Variants in ETF1 observed in about 807,000 individuals in gnomAD.
ETF1 encodes the protein eukaryotic peptide chain release factor subunit 1.
In ETF1, 4 loss-of-function variants were observed where a neutral mutation model predicts 55.1. The ratio of observed to expected loss-of-function variants is 0.07; its 90% CI spans 0.04 to 0.17. The LOEUF (loss-of-function observed/expected upper bound fraction) is 0.17, where lower values mean the gene tolerates loss of function less well. Among genes scored for constraint, ETF1 ranks in the 10% least tolerant of loss-of-function variants. The pLI, the probability that ETF1 is intolerant of heterozygous loss-of-function variation, is 1.00. For synonymous variants in ETF1, 157 were observed against 182.3 expected, an observed-to-expected ratio of 0.86 and a Z score of 1.12; for missense variants, 142 against 523.6, an observed-to-expected ratio of 0.27 and a Z score of 7.11.
intron 9 of ETF1, among the ~76,000 whole-genome samples, chr5:138,510,159 C>G (rs1764710635): frequency 1.3e-5 from 2 of 151,068 alleles, no homozygotes; most frequent in Non-Finnish European, 2.9e-5. Context: ...GAGTTTGAGA[C>G]CAGCCCAGGG....
intron 2 of ETF1, among the ~76,000 whole-genome samples, chr5:138,532,859 G>A (rs1245151579): frequency 6.6e-6 from 1 of 152,144 alleles, no homozygotes; most frequent in Admixed American, 6.5e-5. Flanking sequence ...AGTCTTCACA[G>A]GGACCTGATA....
intron 4 of ETF1, among the ~76,000 whole-genome samples, chr5:138,515,510 T>C (rs938548977): frequency 6.6e-6 from 1 of 152,172 alleles, no homozygotes; most frequent in Non-Finnish European, 1.5e-5. Context: ...ACCCGTTAGG[T>C]AGATTGAAGT....
At position 138,512,258 on chromosome 5, in the gene ETF1, A is replaced by ATTT. The variant is rs58936942; in HGVS notation, c.732+503_732+505dup. Among the ~76,000 whole-genome samples the ATTT allele has an allele frequency of 8.0e-4, 16 of 20,018 alleles. 1 individual carries two copies. The highest frequency in any genetic ancestry group is 2.6e-3 in the African/African-American group (14 of 5,290). The allele number at this position is 20,018 out of a possible 152,430, so 13.1% of individuals were successfully genotyped here. ...TATATATATATATATATATATATAT[A>ATTT]TTTTTTTTTTTTTTTAAAGGCAATT... On this transcript the variant is annotated intron_variant, in intron 6 of 10. Transcript: ENST00000360541.
chr5:138,509,036 C>T (rs577698182), intron 9 of ETF1: 41 of 985,224 alleles, frequency 4.2e-5, no homozygotes, highest in Non-Finnish European at 3.0e-5. Flanking sequence ...AGGCTCTACC[C>T]TCAGCTATGA....
At chr5:138,516,718 T>C (rs1184946931) in intron 4 of ETF1, among the ~76,000 whole-genome samples, 1 of 152,226 alleles carries the variant, frequency 6.6e-6, no homozygotes, top group Non-Finnish European at 1.5e-5. Context: ...TGTAAAATGG[T>C]ACAACGGTTT....
chr5:138,526,117 T>C (rs1023166197), intron 2 of ETF1, among the ~76,000 whole-genome samples: 23 of 152,126 alleles, frequency 1.5e-4, no homozygotes, highest in African/African-American at 5.6e-4. Flanking sequence ...ATCTAAACTT[T>C]CCCCTAATTA....
At chr5:138,531,057 A>G (rs1465957345) in intron 2 of ETF1, among the ~76,000 whole-genome samples, 1 of 152,092 alleles carries the variant, frequency 6.6e-6, no homozygotes, top group South Asian at 2.1e-4. Flanking sequence ...TGTCCCCCCA[A>G]ATTCATGTGT....
chr5:138,513,518 C>T (rs1764898960), intron 5 of ETF1, 50 bp downstream of exon 5: 1 of 1,491,608 alleles, frequency 6.7e-7, no homozygotes, highest in Non-Finnish European at 9.3e-7. Flanking sequence ...ATACTGTTTT[C>T]TTATTGCTAG....
chr5:138,525,447 T>C (rs955635862), intron 2 of ETF1, among the ~76,000 whole-genome samples: 6 of 132,194 alleles, frequency 4.5e-5, no homozygotes, highest in African/African-American at 1.4e-4. Context: ...TGAGCCACCA[T>C]GTCTGGCCTA....
intron 2 of ETF1, among the ~76,000 whole-genome samples, chr5:138,522,189 T>C (rs1269331226): frequency 6.6e-6 from 1 of 152,168 alleles, no homozygotes; most frequent in Non-Finnish European, 1.5e-5. Context: ...CTTCAAAGGA[T>C]AGCATTAGGA....
intron 2 of ETF1, among the ~76,000 whole-genome samples, chr5:138,537,586 T>G (rs1765989931): frequency 6.6e-6 from 1 of 152,156 alleles, no homozygotes; most frequent in African/African-American, 2.4e-5. Context: ...TTTATTATTA[T>G]TGTTATTATT....
At position 138,541,411 on chromosome 5, in the gene ETF1, G is replaced by A. The variant is rs1766166612; in HGVS notation, c.86+1422C>T. 1.7e-5 allele frequency: 12 copies of A among 725,422 alleles called. No individual in the cohort carries two copies. In the South Asian group the frequency reaches 1.8e-4, roughly 11 times the overall value. 44.9% of individuals were successfully genotyped at this position (725,422 alleles called of 1,614,324 possible). A position where few individuals can be genotyped will look rare whatever the true frequency, so the allele number is the denominator to read the frequency against. On this transcript the variant is annotated intron_variant, in intron 2 of 10. Transcript: ENST00000360541. ...TAAACTAACGTTTCTCCAGTAAACCGAAGGAGTGAGCACAAGCCCGTCACT... is the reference window on the plus strand; with the variant it reads ...TAAACTAACGTTTCTCCAGTAAACCAAAGGAGTGAGCACAAGCCCGTCACT...
Position 138,528,159 on chromosome 5 carries a change from G to A in ETF1, c.87-9292C>T, listed in dbSNP as rs565252175. On this transcript the variant is annotated intron_variant, in intron 2 of 10. Coordinates refer to ENST00000360541, the MANE Select transcript of ETF1 (RefSeq NM_004730.4). ...ATAGTTTCCTAAGATGCAGTCGGCA[G>A]GGAATGGAATGAAAACGGATGGCAA... 7.9e-5 allele frequency among the ~76,000 whole-genome samples: 12 copies of A among 152,316 alleles called. No homozygotes were observed. In the South Asian group the frequency reaches 2.3e-3, roughly 29 times the overall value.
chr5:138,530,556 G>A (rs1765656236), intron 2 of ETF1, among the ~76,000 whole-genome samples: 1 of 151,714 alleles, frequency 6.6e-6, no homozygotes, highest in Non-Finnish European at 1.5e-5. Context: ...GGGATTACAG[G>A]CTTTAGCCAC....
intron 2 of ETF1, among the ~76,000 whole-genome samples, chr5:138,530,265 A>G (rs533638171): frequency 3.3e-5 from 5 of 152,230 alleles, no homozygotes; most frequent in Admixed American, 2.0e-4. Context: ...GACAGTCTCA[A>G]TTTTGAAATA....
chr5:138,508,841 A>G, intron 9 of ETF1, 25 bp from the exon 10 acceptor site: 1 of 1,608,908 alleles, frequency 6.2e-7, no homozygotes, highest in East Asian at 2.2e-5. Flanking sequence ...ATGAGATACA[A>G]AAATGGGGGA....
intron 5 of ETF1, 79 bp downstream of exon 5, chr5:138,513,489 C>T: frequency 7.9e-7 from 1 of 1,271,420 alleles, no homozygotes; most frequent in Non-Finnish European, 1.1e-6. Context: ...CAGGCGTGAG[C>T]CACCGCACCC....
intron 6 of ETF1, among the ~76,000 whole-genome samples, chr5:138,512,244 ATATATATATATATATTTT>A (rs1315058734): frequency 2.7e-4 from 2 of 7,294 alleles, no homozygotes; most frequent in African/African-American, 6.9e-4. Flanking sequence ...ATATATATAT[ATATATATATATATATTTT>A]TTTTTTTTTT....
At chr5:138,541,509 T>A (rs1344312667) in intron 2 of ETF1, 1 of 1,529,302 alleles carries the variant, frequency 6.5e-7, no homozygotes, top group East Asian at 2.4e-5. Context: ...AAAACACTAG[T>A]AAAACCAACC....
Sources: allele counts gnomAD v4.1 joint callset (sites outside exome capture counted in the v4.1 genomes callset), GRCh38; gene constraint gnomAD v4.1.1; transcripts MANE v1.5; gene names NCBI Gene and HGNC (gene_info 2026-07-23, HGNC 2026-07-21).